EYS: variants seen among roughly 807,000 people sequenced by gnomAD.
The protein encoded by EYS is protein eyes shut homolog.
EYS carries 250 observed loss-of-function variants against 282.1 expected under a neutral mutation model. The ratio of observed to expected loss-of-function variants is 0.89; its 90% confidence interval spans 0.80 to 0.98. The LOEUF is 0.98. Among genes scored for constraint, EYS ranks in the 50% least tolerant of loss-of-function variants. The pLI, the probability that EYS is intolerant of heterozygous loss-of-function variation, is 0.00. For synonymous variants in EYS, 1,355 were observed against 1,282.9 expected (o/e 1.06, Z -1.20); for missense variants, 4,016 against 3,709.0 (o/e 1.08, Z -2.15).
At chr6:65,580,136 A>G (rs545187133) in intron 2 of EYS, among the ~76,000 whole-genome samples, 5 of 152,262 alleles carry the variant, frequency 3.3e-5, no homozygotes, top group African/African-American at 9.6e-5. Flanking sequence ...TGTCACAGAA[A>G]AATATCTGTA....
At chr6:65,621,461 T>C (rs1582531063) in intron 2 of EYS, among the ~76,000 whole-genome samples, 2 of 150,612 alleles carry the variant, frequency 1.3e-5, no homozygotes, top group South Asian at 2.1e-4. Context: ...GCACGTGAGA[T>C]GGGTTTCCTG....
intron 31 of EYS, among the ~76,000 whole-genome samples, chr6:64,086,147 T>C (rs1772150616): frequency 6.6e-6 from 1 of 152,194 alleles, no homozygotes; most frequent in Admixed American, 6.5e-5. Flanking sequence ...GCTCCTTCAG[T>C]TTCTAACTCA....
At chr6:65,267,485 C>A (rs1010779072) in intron 12 of EYS, among the ~76,000 whole-genome samples, 2 of 151,864 alleles carry the variant, frequency 1.3e-5, no homozygotes, top group African/African-American at 4.8e-5. Flanking sequence ...AGAAGTCCAA[C>A]CAGTGTTTTC....
chr6:65,445,249 G>A (rs543892903), intron 5 of EYS, among the ~76,000 whole-genome samples: 27 of 151,934 alleles, frequency 1.8e-4, no homozygotes, highest in African/African-American at 6.3e-4. Flanking sequence ...TTTGTACTAG[G>A]TGGAAAATGA....
At chr6:65,585,705 T>A (rs1367167233) in intron 2 of EYS, among the ~76,000 whole-genome samples, 2 of 151,908 alleles carry the variant, frequency 1.3e-5, no homozygotes, top group African/African-American at 2.4e-5. Flanking sequence ...GAGACTACAT[T>A]TATGTGACTG....
intron 19 of EYS, among the ~76,000 whole-genome samples, chr6:64,866,390 G>A (rs1027432138): frequency 6.6e-6 from 1 of 151,708 alleles, no homozygotes; most frequent in Non-Finnish European, 1.5e-5. Flanking sequence ...AAAATTATTT[G>A]GTTGTCATTT....
At chr6:64,104,915 C>T (rs1022711767) in intron 31 of EYS, among the ~76,000 whole-genome samples, 1 of 151,814 alleles carries the variant, frequency 6.6e-6, no homozygotes, top group Non-Finnish European at 1.5e-5. Flanking sequence ...TACAAATCGG[C>T]TACTATTTGT....
intron 22 of EYS, among the ~76,000 whole-genome samples, chr6:64,786,285 C>G (rs1002022948): frequency 1.3e-5 from 2 of 150,150 alleles, no homozygotes; most frequent in Non-Finnish European, 3.0e-5. Context: ...TGTACAGAGA[C>G]AGAGGGGTGG....
At chr6:64,968,961 C>A (rs1770197546) in intron 14 of EYS, among the ~76,000 whole-genome samples, 1 of 152,158 alleles carries the variant, frequency 6.6e-6, no homozygotes, top group Non-Finnish European at 1.5e-5. Context: ...TGAGGTACCC[C>A]AGCTCAAGCA....
chr6:65,079,928 G>C (rs796833616), intron 12 of EYS, among the ~76,000 whole-genome samples: 6 of 152,144 alleles, frequency 3.9e-5, no homozygotes, highest in African/African-American at 1.4e-4. Flanking sequence ...ATAACAGAGA[G>C]AAAAATATCT....
chr6:64,313,639 T>C (rs1344063693), intron 29 of EYS, among the ~76,000 whole-genome samples: 6 of 152,010 alleles, frequency 3.9e-5, no homozygotes, highest in Non-Finnish European at 7.4e-5. Context: ...GAGAGAAAGG[T>C]CGGGTTACCC....
chr6:64,655,317 G>A (rs1768706474), intron 22 of EYS, among the ~76,000 whole-genome samples: 1 of 149,454 alleles, frequency 6.7e-6, no homozygotes, highest in Non-Finnish European at 1.5e-5. Flanking sequence ...AAAATAAGTA[G>A]GTTTCATATT....
At chr6:65,675,911 C>G (rs1345526764) in intron 1 of EYS, among the ~76,000 whole-genome samples, 1 of 151,654 alleles carries the variant, frequency 6.6e-6, no homozygotes, top group Non-Finnish European at 1.5e-5. Context: ...TTGCACACAA[C>G]TGAATAAAAA....
At chr6:64,113,567 G>A (rs952652834) in intron 31 of EYS, among the ~76,000 whole-genome samples, 48 of 152,144 alleles carry the variant, frequency 3.2e-4, no homozygotes, top group African/African-American at 1.1e-3. Flanking sequence ...TTCCTTGACA[G>A]CATTTTAGCA....
chr6:64,006,947 A>C (rs1214722364), intron 33 of EYS, among the ~76,000 whole-genome samples: 1 of 151,952 alleles, frequency 6.6e-6, no homozygotes, highest in Non-Finnish European at 1.5e-5. Flanking sequence ...TATTGGCCTG[A>C]AGTTTTCTGT....
chr6:65,203,326 A>C (rs1489234256), intron 12 of EYS, among the ~76,000 whole-genome samples: 2 of 152,136 alleles, frequency 1.3e-5, no homozygotes, highest in Non-Finnish European at 2.9e-5. Flanking sequence ...GTGCAGTGCT[A>C]GGGAACTAGA....
intron 35 of EYS, among the ~76,000 whole-genome samples, chr6:63,889,516 A>C (rs1360670871): frequency 1.3e-5 from 2 of 152,228 alleles, no homozygotes; most frequent in African/African-American, 4.8e-5. Flanking sequence ...ATATCCAGCC[A>C]AACTATGCTT....
intron 12 of EYS, among the ~76,000 whole-genome samples, chr6:65,232,650 T>G (rs1766813636): frequency 6.6e-6 from 1 of 152,130 alleles, no homozygotes; most frequent in African/African-American, 2.4e-5. Flanking sequence ...AAAATAGTGA[T>G]TTATTAACTG....
chr6:65,122,190 A>C (rs923361864), intron 12 of EYS, among the ~76,000 whole-genome samples: 9 of 152,306 alleles, frequency 5.9e-5, no homozygotes, highest in African/African-American at 1.9e-4. Context: ...CATTAAATAA[A>C]GTACAGAATA....
Sources: gnomAD v4.1 joint callset for allele counts (sites outside exome capture counted in the v4.1 genomes callset) on GRCh38, gnomAD v4.1.1 for gene constraint, MANE v1.5 for transcripts, NCBI Gene and HGNC (gene_info 2026-07-23, HGNC 2026-07-21) for gene names.